The following BMPER variants were observed in gnomAD, a reference collection of about 807,000 sequenced individuals.
BMPER encodes the protein BMP binding endothelial regulator.
BMPER carries 45 observed loss-of-function variants against 87.3 expected under a neutral mutation model. That is an observed-to-expected ratio of 0.52 (90% CI 0.41 to 0.66). The LOEUF (loss-of-function observed/expected upper bound fraction) is 0.66. Among genes scored for constraint, BMPER ranks in the 30% least tolerant of loss-of-function variants. The pLI is 0.00. For synonymous variants in BMPER, 326 were observed against 316.2 expected (o/e 1.03, Z -0.33); for missense variants, 784 against 867.5 (o/e 0.90, Z 1.21).
At chr7:33,950,232 G>T (rs1048591399) in intron 3 of BMPER, among the ~76,000 whole-genome samples, 1 of 152,138 alleles carries the variant, frequency 6.6e-6, no homozygotes, top group Admixed American at 6.6e-5. Flanking sequence ...GTGGAGGAGG[G>T]TGGTAGTTCT....
intron 13 of BMPER, among the ~76,000 whole-genome samples, chr7:34,104,056 G>A (rs1789753451): frequency 6.6e-6 from 1 of 152,198 alleles, no homozygotes; most frequent in South Asian, 2.1e-4. Context: ...ATCCCCAAAT[G>A]CACTTGGTGC....
At chr7:33,970,802 A>T (rs1785524889) in intron 5 of BMPER, among the ~76,000 whole-genome samples, 1 of 152,138 alleles carries the variant, frequency 6.6e-6, no homozygotes, top group Non-Finnish European at 1.5e-5. Flanking sequence ...TGTTTTCTGA[A>T]AACTGAGAGC....
At chr7:34,058,036 G>A (rs1321182887) in intron 9 of BMPER, 23 bp from the exon 10 acceptor site, 1 of 1,608,618 alleles carries the variant, frequency 6.2e-7, no homozygotes, top group East Asian at 2.2e-5. Context: ...GCTGCTGACA[G>A]GATCCTGTGC....
intron 6 of BMPER, among the ~76,000 whole-genome samples, chr7:34,004,613 T>G (rs1359355014): frequency 6.6e-6 from 1 of 152,206 alleles, no homozygotes; most frequent in African/African-American, 2.4e-5. Context: ...CAAGTGACTT[T>G]CTTAAACTTA....
chr7:34,136,222 C>T (rs79334735), intron 13 of BMPER, among the ~76,000 whole-genome samples: 3,517 of 152,258 alleles, frequency 0.023, 126 homozygotes, highest in African/African-American at 0.079. Flanking sequence ...CTCAATAAAA[C>T]AGCCTCACAG....
chr7:34,002,336 A>G lies in BMPER; in HGVS notation c.576+27552A>G, dbSNP rs115991005. Among the ~76,000 whole-genome samples the G allele has an allele frequency of 8.6e-3, 1,312 of 151,946 alleles. 18 individuals are homozygous for G. Among genetic ancestry groups the G allele is most frequent in the African/African-American group, 0.03 (1,241 of 41,552 alleles). ...TACATGAGATATTTAATATTTTATT[A>G]TAAAATAGGCTTTGGGTTATATGAT... On this transcript the variant is annotated intron_variant, in intron 6 of 14. Coordinates refer to ENST00000649409, the MANE Select transcript of BMPER (RefSeq NM_001365308.1).
chr7:33,942,303 C>G (rs1784789784), intron 3 of BMPER, among the ~76,000 whole-genome samples: 1 of 152,178 alleles, frequency 6.6e-6, no homozygotes, highest in African/African-American at 2.4e-5. Context: ...TTCATCAAAA[C>G]AGCAGCAGGT....
chr7:34,144,904 C>T (rs987240583), intron 14 of BMPER, among the ~76,000 whole-genome samples: 2 of 152,198 alleles, frequency 1.3e-5, no homozygotes, highest in Admixed American at 1.3e-4. Flanking sequence ...GCTGACTCCA[C>T]AATGTCTACA....
At chr7:33,931,532 G>T (rs1172210624) in intron 2 of BMPER, among the ~76,000 whole-genome samples, 1 of 152,192 alleles carries the variant, frequency 6.6e-6, no homozygotes, top group Admixed American at 6.5e-5. Flanking sequence ...GTATAATATT[G>T]CCTGGGAGAA....
intron 6 of BMPER, among the ~76,000 whole-genome samples, chr7:34,020,215 T>C (rs1487340254): frequency 4.0e-5 from 6 of 151,884 alleles, no homozygotes; most frequent in Non-Finnish European, 8.8e-5. Flanking sequence ...AAAGATTTAA[T>C]CCATGAAAAA....
chr7:34,057,656 G>A (rs1788319276), intron 9 of BMPER, among the ~76,000 whole-genome samples: 1 of 152,164 alleles, frequency 6.6e-6, no homozygotes, highest in Admixed American at 6.5e-5. Context: ...GCTTGGGACA[G>A]CTTAAATATT....
At chr7:34,136,505 A>T (rs1790723092) in intron 13 of BMPER, among the ~76,000 whole-genome samples, 1 of 152,166 alleles carries the variant, frequency 6.6e-6, no homozygotes, top group African/African-American at 2.4e-5. Flanking sequence ...TAATAGGCTT[A>T]TGGTAGCTAA....
At chr7:33,979,822 A>G (rs1006588633) in intron 6 of BMPER, among the ~76,000 whole-genome samples, 1 of 152,180 alleles carries the variant, frequency 6.6e-6, no homozygotes, top group Admixed American at 6.5e-5. Context: ...TTGAGGTCCA[A>G]CCCACTTAGT....
At chr7:33,961,677 G>A (rs1025461807) in intron 3 of BMPER, among the ~76,000 whole-genome samples, 2 of 152,154 alleles carry the variant, frequency 1.3e-5, no homozygotes, top group African/African-American at 4.8e-5. Flanking sequence ...AGACAATAAC[G>A]ACTGAGTGTC....
chr7:33,984,262 T>G (rs1028484621), intron 6 of BMPER, among the ~76,000 whole-genome samples: 2 of 152,028 alleles, frequency 1.3e-5, no homozygotes, highest in African/African-American at 4.8e-5. Flanking sequence ...GGTCAGGAGT[T>G]CAAGACCAGC....
intron 6 of BMPER, among the ~76,000 whole-genome samples, chr7:34,016,263 G>A (rs1024873424): frequency 6.6e-5 from 10 of 152,048 alleles, no homozygotes; most frequent in East Asian, 3.9e-4. Context: ...CCTTTGATCC[G>A]TAGTAACTAA....
In BMPER at chr7:33,982,941, G is replaced by A. The variant is rs1785902993; in HGVS notation, c.576+8157G>A. ...GCTTAAGAGGGGTCATTCAGTGTGAGGGCTTGATTTGGACTGGGAAAATTT... is the reference window on the plus strand; with the variant it reads ...GCTTAAGAGGGGTCATTCAGTGTGAAGGCTTGATTTGGACTGGGAAAATTT... On this transcript the variant is annotated intron_variant, in intron 6 of 14. Transcript: ENST00000649409. Among the ~76,000 whole-genome samples the A allele has an allele frequency of 3.3e-5, 5 of 152,158 alleles. No homozygotes were observed. In the South Asian group the frequency reaches 1.0e-3, roughly 31 times the overall value.
intron 2 of BMPER, 32 bp from the exon 3 acceptor site, chr7:33,937,257 A>C: frequency 6.2e-7 from 1 of 1,602,366 alleles, no homozygotes; most frequent in Non-Finnish European, 8.6e-7. Flanking sequence ...TTTGATGTCT[A>C]TTTCAAATCT....
At chr7:34,015,953 T>A (rs1787014079) in intron 6 of BMPER, among the ~76,000 whole-genome samples, 1 of 150,820 alleles carries the variant, frequency 6.6e-6, no homozygotes, top group Non-Finnish European at 1.5e-5. Context: ...AAATAGGACA[T>A]TGGAAAGCTA....
Sources: allele counts gnomAD v4.1 joint callset (sites outside exome capture counted in the v4.1 genomes callset), GRCh38; gene constraint gnomAD v4.1.1; transcripts MANE v1.5; gene names NCBI Gene and HGNC (gene_info 2026-07-23, HGNC 2026-07-21).